Variants in GPM6A observed in about 807,000 individuals in gnomAD.
GPM6A encodes glycoprotein M6A.
Under a neutral mutation model 32.1 loss-of-function variants are expected in GPM6A, and 7 were observed. The observed-to-expected ratio is 0.22, with a 90% CI of 0.12 to 0.41. The LOEUF is 0.41. GPM6A is among the 10% of genes least tolerant of loss of function. The probability of loss-of-function intolerance (pLI) is 1.00; values close to 1 mark genes in which losing one functional copy is unlikely to be tolerated. For missense variants in GPM6A, 235 were observed against 347.2 expected (o/e 0.68, Z 2.57); for synonymous variants, 130 against 123.4 (o/e 1.05, Z -0.35).
intron 1 of GPM6A, among the ~76,000 whole-genome samples, chr4:175,996,304 T>G (rs558502188): frequency 1.3e-5 from 2 of 152,156 alleles, no homozygotes; most frequent in African/African-American, 4.8e-5. Flanking sequence ...GTTAAATACA[T>G]CTCTTCAAAA....
chr4:175,734,610 A>G (rs1731584420), intron 1 of GPM6A, among the ~76,000 whole-genome samples: 1 of 152,102 alleles, frequency 6.6e-6, no homozygotes, highest in Non-Finnish European at 1.5e-5. Context: ...GTGGTGGCTC[A>G]TGCCTGTAAT....
At chr4:175,658,198 C>T (rs1742195045) in intron 3 of GPM6A, among the ~76,000 whole-genome samples, 1 of 151,336 alleles carries the variant, frequency 6.6e-6, no homozygotes, top group African/African-American at 2.4e-5. Context: ...ATATATAAAC[C>T]CCAGCACATC....
intron 1 of GPM6A, among the ~76,000 whole-genome samples, chr4:175,772,212 A>T (rs1046919202): frequency 6.6e-6 from 1 of 152,230 alleles, no homozygotes; most frequent in African/African-American, 2.4e-5. Context: ...ACAATTTATT[A>T]TCAGTAATTT....
At chr4:175,672,686 T>A (rs927053916) in intron 3 of GPM6A, among the ~76,000 whole-genome samples, 3 of 152,214 alleles carry the variant, frequency 2.0e-5, no homozygotes, top group Non-Finnish European at 2.9e-5. Context: ...ATTCCAGTTT[T>A]ACTCCTACTC....
chr4:175,899,354 T>C (rs1430513604), intron 1 of GPM6A, among the ~76,000 whole-genome samples: 1 of 152,160 alleles, frequency 6.6e-6, no homozygotes, highest in Non-Finnish European at 1.5e-5. Context: ...CAAAGAAAGA[T>C]ATATAAATAG....
chr4:175,999,149 AAT>A (rs1486316783), intron 1 of GPM6A, among the ~76,000 whole-genome samples: 1 of 152,228 alleles, frequency 6.6e-6, no homozygotes, highest in Non-Finnish European at 1.5e-5. Flanking sequence ...ACAAAACAGT[AAT>A]CAATGGTCTC....
At chr4:175,776,312 T>C (rs915221471) in intron 1 of GPM6A, among the ~76,000 whole-genome samples, 4 of 152,216 alleles carry the variant, frequency 2.6e-5, no homozygotes, top group Non-Finnish European at 5.9e-5. Flanking sequence ...TAGGTTAATG[T>C]GCCTTTTTCA....
At chr4:175,713,739 G>T (rs1490295426) in intron 1 of GPM6A, among the ~76,000 whole-genome samples, 1 of 152,092 alleles carries the variant, frequency 6.6e-6, no homozygotes, top group African/African-American at 2.4e-5. Flanking sequence ...AATTTTAAAA[G>T]AAACATCTTT....
At chr4:175,672,090 ATC>A (rs1272827240) in intron 3 of GPM6A, among the ~76,000 whole-genome samples, 14 of 152,128 alleles carry the variant, frequency 9.2e-5, no homozygotes, top group Non-Finnish European at 1.8e-4. Flanking sequence ...AACCAAGTGC[ATC>A]TCTCTCTATA....
intron 1 of GPM6A, among the ~76,000 whole-genome samples, chr4:175,945,433 C>T (rs1364071006): frequency 1.3e-5 from 2 of 152,002 alleles, no homozygotes; most frequent in South Asian, 2.1e-4. Context: ...CCTGGTATCA[C>T]TTATAAGTGG....
chr4:175,703,102 T>C (rs1054016824), intron 1 of GPM6A, among the ~76,000 whole-genome samples: 4 of 152,156 alleles, frequency 2.6e-5, no homozygotes, highest in Non-Finnish European at 5.9e-5. Context: ...TATAAAAAAA[T>C]AGTGCTTGAC....
chr4:175,994,895 G>C (rs1274473655), intron 1 of GPM6A, among the ~76,000 whole-genome samples: 1 of 152,126 alleles, frequency 6.6e-6, no homozygotes, highest in Non-Finnish European at 1.5e-5. Context: ...TAATACTCTA[G>C]AACCTTTGTT....
At chr4:175,638,103 T>C (rs1740920495) in intron 6 of GPM6A, among the ~76,000 whole-genome samples, 1 of 150,362 alleles carries the variant, frequency 6.7e-6, no homozygotes, top group African/African-American at 2.4e-5. Context: ...CATGTAGGAC[T>C]TCCTAACTTC....
intron 1 of GPM6A, among the ~76,000 whole-genome samples, chr4:175,823,106 C>T (rs940437908): frequency 6.6e-6 from 1 of 152,136 alleles, no homozygotes; most frequent in Non-Finnish European, 1.5e-5. Flanking sequence ...AAAATTGAGG[C>T]TTTCAAAGGT....
intron 1 of GPM6A, among the ~76,000 whole-genome samples, chr4:175,861,047 T>A (rs1215354993): frequency 3.3e-5 from 5 of 151,954 alleles, no homozygotes; most frequent in Non-Finnish European, 7.4e-5. Flanking sequence ...TCATCCTAAA[T>A]GAATTTAGAT....
chr4:175,673,608 AG>A, intron 3 of GPM6A, 71 bp downstream of exon 3: 1 of 1,031,154 alleles, frequency 9.7e-7, no homozygotes, highest in Non-Finnish European at 1.4e-6. Context: ...AATTCTTGGG[AG>A]ATGAATGCAA....
chr4:175,787,478 T>G, intron 1 of GPM6A: 1 of 1,495,062 alleles, frequency 6.7e-7, no homozygotes, highest in Non-Finnish European at 8.9e-7. Context: ...CTAAATTGTT[T>G]TTTTAAGTCA....
chr4:175,790,833 T>C (rs1733984411), intron 1 of GPM6A, among the ~76,000 whole-genome samples: 1 of 152,162 alleles, frequency 6.6e-6, no homozygotes. Context: ...GTTCGTTCTT[T>C]TAGGGAGGAA....
Position 175,755,807 on chromosome 4 carries a change from T to C in GPM6A, c.38-54040A>G, listed in dbSNP as rs1327352905. On this transcript the variant is annotated intron_variant, in intron 1 of 6. Transcript: ENST00000393658. ...CACCTACCTAGGTCAAATGAATGAATTTCTATTTCCATTCATCAGCATTTT... is the reference window on the plus strand; with the variant it reads ...CACCTACCTAGGTCAAATGAATGAACTTCTATTTCCATTCATCAGCATTTT... 3.3e-5 allele frequency among the ~76,000 whole-genome samples: 5 copies of C among 152,184 alleles called. 1 individual carries two copies. Among genetic ancestry groups the C allele is most frequent in the Admixed American group, 3.3e-4 (5 of 15,262 alleles).
Sources: allele counts gnomAD v4.1 joint callset (sites outside exome capture counted in the v4.1 genomes callset), GRCh38; gene constraint gnomAD v4.1.1; transcripts MANE v1.5; gene names NCBI Gene and HGNC (gene_info 2026-07-23, HGNC 2026-07-21).